WDR70: variants seen among roughly 807,000 people sequenced by gnomAD.
WDR70 encodes the protein WD repeat-containing protein 70.
WDR70 carries 53 observed loss-of-function variants against 88.6 expected under a neutral mutation model. The observed-to-expected ratio is 0.60, with a 90% confidence interval of 0.48 to 0.75. The LOEUF is 0.75. WDR70 is among the 30% of genes least tolerant of loss of function. The pLI is 0.00. For missense variants in WDR70, 610 were observed against 823.2 expected, an observed-to-expected ratio of 0.74 and a Z score of 3.17; for synonymous variants, 280 against 270.0, an observed-to-expected ratio of 1.04 and a Z score of -0.36.
intron 7 of WDR70, among the ~76,000 whole-genome samples, chr5:37,473,051 T>C (rs2112137785): frequency 6.6e-6 from 1 of 152,140 alleles, no homozygotes; most frequent in East Asian, 1.9e-4. Context: ...TTTGATATGG[T>C]CAGTATCTTT....
At chr5:37,522,464 C>T (rs1741126142) in intron 9 of WDR70, among the ~76,000 whole-genome samples, 1 of 126,236 alleles carries the variant, frequency 7.9e-6, no homozygotes, top group African/African-American at 3.1e-5. Context: ...GAGTGAGACT[C>T]TGTCTCAAAA....
At chr5:37,592,011 G>T (rs1470131161) in intron 9 of WDR70, among the ~76,000 whole-genome samples, 2 of 152,198 alleles carry the variant, frequency 1.3e-5, no homozygotes, top group Non-Finnish European at 2.9e-5. Context: ...AGTAGGAATA[G>T]AATGGAATTT....
At chr5:37,682,566 G>A (rs545190811) in intron 10 of WDR70, among the ~76,000 whole-genome samples, 2 of 152,146 alleles carry the variant, frequency 1.3e-5, no homozygotes, top group East Asian at 3.9e-4. Context: ...TGGGTGTTTA[G>A]CGCTATAAAT....
At chr5:37,463,205 G>A (rs2112109887) in intron 7 of WDR70, among the ~76,000 whole-genome samples, 1 of 152,230 alleles carries the variant, frequency 6.6e-6, no homozygotes, top group East Asian at 1.9e-4. Context: ...CCAGGAGGTG[G>A]TGGTTGCAGT....
In WDR70 at chr5:37,741,197, G is replaced by T. The variant is rs139375868; in HGVS notation, c.1878-11289G>T. ...CACCTCCTTTTTGTCCCAGGAAGGG[G>T]ATTTGTTCTTCCTTACTCCCAAGCC... On this transcript the variant is annotated intron_variant, in intron 17 of 17. Transcript: ENST00000265107. Among the ~76,000 whole-genome samples, 115 of 150,440 alleles carry T rather than the reference G, an allele frequency of 7.6e-4. 2 individuals are homozygous for T. In the East Asian group the frequency reaches 0.022, roughly 28 times the overall value.
At chr5:37,396,339 A>G (rs757342223) in intron 4 of WDR70, 36 bp from the exon 5 acceptor site, 2 of 1,558,742 alleles carry the variant, frequency 1.3e-6, no homozygotes, top group Non-Finnish European at 8.7e-7. Flanking sequence ...TCTTCATTGC[A>G]GCAGAGGCAA....
chr5:37,454,022 G>T (rs1427280313), intron 7 of WDR70, among the ~76,000 whole-genome samples: 1 of 152,108 alleles, frequency 6.6e-6, no homozygotes, highest in Non-Finnish European at 1.5e-5. Context: ...CTAAAACAGT[G>T]TTTGGGATAT....
At chr5:37,715,337 CAAA>C (rs138965709) in intron 13 of WDR70, among the ~76,000 whole-genome samples, 420 of 112,942 alleles carry the variant, frequency 3.7e-3, no homozygotes, top group South Asian at 8.6e-3. Flanking sequence ...AGATTTCTGG[CAAA>C]AAAAAAAAAA....
intron 5 of WDR70, among the ~76,000 whole-genome samples, chr5:37,414,340 ATTC>A (rs1749626289): frequency 1.3e-5 from 2 of 152,000 alleles, no homozygotes; most frequent in South Asian, 4.1e-4. Flanking sequence ...GGAGACCTCT[ATTC>A]TTATTCCCGC....
chr5:37,664,735 T>C (rs1388838329), intron 10 of WDR70, among the ~76,000 whole-genome samples: 2 of 152,272 alleles, frequency 1.3e-5, no homozygotes, highest in African/African-American at 2.4e-5. Context: ...ATTTAACCGA[T>C]CTTGACATCT....
At chr5:37,546,209 A>G (rs1317629641) in intron 9 of WDR70, among the ~76,000 whole-genome samples, 2 of 150,886 alleles carry the variant, frequency 1.3e-5, no homozygotes, top group Non-Finnish European at 2.9e-5. Context: ...TATTTTTATC[A>G]TACGTTTAAT....
intron 10 of WDR70, among the ~76,000 whole-genome samples, chr5:37,670,110 C>T (rs980617671): frequency 2.0e-5 from 3 of 152,004 alleles, no homozygotes; most frequent in Non-Finnish European, 1.5e-5. Context: ...CTGGTGGCTG[C>T]GCAACTCTTG....
chr5:37,570,628 T>G (rs1376683387), intron 9 of WDR70, among the ~76,000 whole-genome samples: 1 of 152,080 alleles, frequency 6.6e-6, no homozygotes, highest in Non-Finnish European at 1.5e-5. Context: ...GGAGGAAAAC[T>G]GAGAGTACTG....
intron 7 of WDR70, among the ~76,000 whole-genome samples, chr5:37,449,608 AAATAAAAAAT>A (rs879614210): frequency 0.11 from 6,926 of 65,130 alleles, 261 homozygotes; most frequent in South Asian, 0.19. Context: ...AAAAAATAAA[AAATAAAAAAT>A]AAATAAATAA....
intron 10 of WDR70, among the ~76,000 whole-genome samples, chr5:37,692,862 G>T (rs921126913): frequency 2.0e-5 from 3 of 150,474 alleles, no homozygotes; most frequent in African/African-American, 7.3e-5. Flanking sequence ...GAAGTTCTGG[G>T]CCAGGGCAAT....
intron 5 of WDR70, among the ~76,000 whole-genome samples, chr5:37,410,142 A>T (rs1241749068): frequency 6.6e-6 from 1 of 151,320 alleles, no homozygotes; most frequent in African/African-American, 2.4e-5. Flanking sequence ...AAGCCTCCTA[A>T]GTAGCTAGGA....
At chr5:37,382,978 A>C (rs1748479309) in intron 3 of WDR70, among the ~76,000 whole-genome samples, 1 of 152,008 alleles carries the variant, frequency 6.6e-6, no homozygotes, top group South Asian at 2.1e-4. Context: ...GCACCATTGC[A>C]CTCCAGCCTG....
intron 5 of WDR70, among the ~76,000 whole-genome samples, chr5:37,403,813 G>A (rs1259184965): frequency 6.6e-6 from 1 of 151,976 alleles, no homozygotes; most frequent in African/African-American, 2.4e-5. Context: ...TGTAATCATA[G>A]CTCACTGCAG....
intron 9 of WDR70, among the ~76,000 whole-genome samples, chr5:37,590,378 C>A (rs1159985658): frequency 6.6e-6 from 1 of 152,158 alleles, no homozygotes; most frequent in Non-Finnish European, 1.5e-5. Context: ...TGTAGTATGT[C>A]ATCTCTTGTG....
Sources: allele counts gnomAD v4.1 joint callset (sites outside exome capture counted in the v4.1 genomes callset), GRCh38; gene constraint gnomAD v4.1.1; transcripts MANE v1.5; gene names NCBI Gene and HGNC (gene_info 2026-07-23, HGNC 2026-07-21).